The following ZNF827 variants were observed in gnomAD, a reference collection of about 807,000 sequenced individuals.
The protein encoded by ZNF827 is zinc finger protein 827.
A neutral mutation model predicts 102.4 loss-of-function variants in ZNF827; 13 were observed. The ratio of observed to expected loss-of-function variants is 0.13; its 90% CI spans 0.08 to 0.20. The LOEUF is 0.20. Ranked by LOEUF, ZNF827 falls within the 10% of genes least tolerant of loss-of-function variation. ZNF827 has a pLI of 1.00. For synonymous variants in ZNF827, 523 were observed against 536.2 expected, an observed-to-expected ratio of 0.98 and a Z score of 0.34; for missense variants, 1,103 against 1,344.4, an observed-to-expected ratio of 0.82 and a Z score of 2.81.
At chr4:145,863,676 G>T (rs941518654) in intron 5 of ZNF827, among the ~76,000 whole-genome samples, 1 of 150,216 alleles carries the variant, frequency 6.7e-6, no homozygotes, top group Non-Finnish European at 1.5e-5. Flanking sequence ...GAAACGTCCA[G>T]AATGGACAAA....
chr4:145,807,810 A>C lies in ZNF827; in HGVS notation c.2383+15612T>G, dbSNP rs539112358. On this transcript the variant is annotated intron_variant, in intron 8 of 14. Transcript: ENST00000508784. Reference sequence around the variant, plus strand: ...AACAAAAAACAAAAACAAAAAAAAAACAAAAAACAAAAAACATTAATTACT... The same window carrying C: ...AACAAAAAACAAAAACAAAAAAAAACCAAAAAACAAAAAACATTAATTACT... Among the ~76,000 whole-genome samples the C allele has an allele frequency of 1.6e-3, 239 of 151,860 alleles. 2 individuals carry two copies. Among genetic ancestry groups the C allele is most frequent in the Non-Finnish European group, 2.9e-3 (196 of 67,938 alleles).
rs952975995 is a variant in ZNF827 at position 145,761,932 on chromosome 4, G to A, written c.*18-334C>T. ...TGGTGCTCCCCTCCAGCCCCCGCCC[G>A]GCCCCTCGGAGCCCTCCCCACTCCC... On this transcript the variant is annotated intron_variant, in intron 14 of 14. Transcript: ENST00000508784. The surrounding 1 kb of genome is among the most constrained non-coding windows in gnomAD (Gnocchi z 6.8). 6.8e-6 allele frequency among the ~76,000 whole-genome samples: 1 copy of A among 147,346 alleles called. No individual in the cohort carries two copies. The highest frequency in any genetic ancestry group is 1.5e-5 in the Non-Finnish European group (1 of 66,804).
At chr4:145,776,112 TAA>T in intron 9 of ZNF827, 152 bp from the exon 10 acceptor site, 1 of 852,248 alleles carries the variant, frequency 1.2e-6, no homozygotes, top group South Asian at 1.8e-5. Flanking sequence ...TGTAAGTATC[TAA>T]AAGTCTTTAC....
chr4:145,882,440 G>C lies in ZNF827; in HGVS notation c.1747+3238C>G, dbSNP rs577169425. Among the ~76,000 whole-genome samples the C allele has an allele frequency of 3.3e-5, 5 of 152,240 alleles. No homozygotes were observed. In the South Asian group the frequency reaches 1.0e-3, roughly 32 times the overall value. Reference sequence around the variant, plus strand: ...CCAAGCAGTGTTAAGTGTGGGCTCAGTCAGAAGAATAGCTGATAGTTTGGA... The same window carrying C: ...CCAAGCAGTGTTAAGTGTGGGCTCACTCAGAAGAATAGCTGATAGTTTGGA... On this transcript the variant is annotated intron_variant, in intron 4 of 14. Transcript: ENST00000508784.
chr4:145,926,845 C>A (rs1753464339), intron 1 of ZNF827, among the ~76,000 whole-genome samples: 1 of 151,572 alleles, frequency 6.6e-6, no homozygotes, highest in Non-Finnish European at 1.5e-5. Context: ...TATTTTTTCA[C>A]CTATCAACAA....
chr4:145,783,297 A>C (rs1738372173), intron 8 of ZNF827, among the ~76,000 whole-genome samples: 2 of 152,258 alleles, frequency 1.3e-5, no homozygotes, highest in South Asian at 4.1e-4. Flanking sequence ...GTGAATAGAC[A>C]TTATTCTTAT....
At chr4:145,852,898 G>A (rs1746680409) in intron 5 of ZNF827, among the ~76,000 whole-genome samples, 1 of 152,256 alleles carries the variant, frequency 6.6e-6, no homozygotes, top group Non-Finnish European at 1.5e-5. Flanking sequence ...CTCCTGAGAA[G>A]CTGGGGCTAC....
At chr4:145,877,279 T>C (rs540630265) in intron 4 of ZNF827, among the ~76,000 whole-genome samples, 1 of 152,306 alleles carries the variant, frequency 6.6e-6, no homozygotes, top group South Asian at 2.1e-4. Flanking sequence ...CAAGTTCCCT[T>C]GTTAGCAGTG....
At chr4:145,874,659 A>G (rs1012160740) in intron 4 of ZNF827, among the ~76,000 whole-genome samples, 1 of 152,240 alleles carries the variant, frequency 6.6e-6, no homozygotes, top group African/African-American at 2.4e-5. Flanking sequence ...TTTATGACTC[A>G]TGACATAGTC....
At chr4:145,899,086 A>G (rs897708830) in intron 2 of ZNF827, among the ~76,000 whole-genome samples, 3 of 152,202 alleles carry the variant, frequency 2.0e-5, no homozygotes, top group African/African-American at 7.2e-5. Flanking sequence ...TAGGCAACAG[A>G]AACTCTTTTC....
intron 3 of ZNF827, among the ~76,000 whole-genome samples, chr4:145,888,633 T>A (rs1750332694): frequency 6.6e-6 from 1 of 152,184 alleles, no homozygotes; most frequent in Non-Finnish European, 1.5e-5. Context: ...AAGTTAGAGC[T>A]CCTTAAATGG....
chr4:145,775,698 C>T, intron 10 of ZNF827, 91 bp downstream of exon 10: 2 of 1,470,460 alleles, frequency 1.4e-6, no homozygotes, highest in Non-Finnish European at 9.3e-7. Flanking sequence ...AGAAAAGGGG[C>T]CTCGTGATGT....
intron 2 of ZNF827, among the ~76,000 whole-genome samples, chr4:145,895,234 C>T (rs1376628838): frequency 3.9e-5 from 6 of 152,146 alleles, no homozygotes; most frequent in Admixed American, 3.9e-4. Context: ...TGAACACTGC[C>T]GTCTTCCCCT....
intron 4 of ZNF827, among the ~76,000 whole-genome samples, chr4:145,874,152 GA>G (rs1303558761): frequency 6.6e-6 from 1 of 151,992 alleles, no homozygotes; most frequent in Non-Finnish European, 1.5e-5. Context: ...GACTTAGGGG[GA>G]AAAAAGTAAA....
intron 2 of ZNF827, among the ~76,000 whole-genome samples, chr4:145,897,980 C>A (rs1240067934): frequency 6.6e-6 from 1 of 152,096 alleles, no homozygotes; most frequent in African/African-American, 2.4e-5. Flanking sequence ...CATGGCGAAA[C>A]CCCATCTCTA....
At chr4:145,779,905 T>C (rs1031487278) in intron 8 of ZNF827, among the ~76,000 whole-genome samples, 5 of 152,202 alleles carry the variant, frequency 3.3e-5, no homozygotes, top group Non-Finnish European at 7.3e-5. Flanking sequence ...AATAAAGAAT[T>C]GTAGGCTGGG....
At chr4:145,884,689 T>C (rs1749956859) in intron 4 of ZNF827, among the ~76,000 whole-genome samples, 2 of 152,084 alleles carry the variant, frequency 1.3e-5, no homozygotes, top group Admixed American at 6.5e-5. Flanking sequence ...ATGCCCCTTT[T>C]CAACACCACG....
intron 1 of ZNF827, among the ~76,000 whole-genome samples, chr4:145,909,499 T>A (rs1468513823): frequency 2.0e-5 from 3 of 152,202 alleles, no homozygotes; most frequent in African/African-American, 7.2e-5. Context: ...GTTTTCACTC[T>A]CAATGACTTC....
intron 11 of ZNF827, among the ~76,000 whole-genome samples, chr4:145,770,345 A>G: frequency 1.7e-5 from 1 of 58,060 alleles, no homozygotes. Flanking sequence ...TAAATAAATA[A>G]ATAAAATAGA....
Sources: gnomAD v4.1 joint callset for allele counts (sites outside exome capture counted in the v4.1 genomes callset) on GRCh38, gnomAD v4.1.1 for gene constraint, Gnocchi (gnomAD v3.1) non-coding constraint, MANE v1.5 for transcripts, NCBI Gene and HGNC (gene_info 2026-07-23, HGNC 2026-07-21) for gene names.